The following NPAS3 variants were observed in gnomAD, a reference collection of about 807,000 sequenced individuals.
The protein encoded by NPAS3 is neuronal PAS domain protein 3, also known as neuronal PAS domain-containing protein 3.
In NPAS3, 14 loss-of-function variants were observed where a neutral mutation model predicts 73.1. The observed-to-expected ratio is 0.19, with a 90% confidence interval of 0.13 to 0.30. The LOEUF is 0.30. Ranked by LOEUF, NPAS3 falls within the 10% of genes least tolerant of loss-of-function variation. The probability of loss-of-function intolerance (pLI) is 1.00; values close to 1 mark genes in which losing one functional copy is unlikely to be tolerated. For synonymous variants in NPAS3, 620 were observed against 541.5 expected (o/e 1.14, Z -2.01); for missense variants, 1,096 against 1,250.0 (o/e 0.88, Z 1.86).
chr14:33,566,441 C>T (rs1187746978), intron 5 of NPAS3, among the ~76,000 whole-genome samples: 1 of 152,002 alleles, frequency 6.6e-6, no homozygotes, highest in Non-Finnish European at 1.5e-5. Context: ...GCTCGTTCTT[C>T]CCCCCTTTTC....
At chr14:33,362,353 G>A (rs1451865078) in intron 3 of NPAS3, among the ~76,000 whole-genome samples, 1 of 152,152 alleles carries the variant, frequency 6.6e-6, no homozygotes, top group African/African-American at 2.4e-5. Flanking sequence ...TTTTGATAGG[G>A]AAACAGATAC....
chr14:33,041,647 G>A (rs1595303293), intron 1 of NPAS3, among the ~76,000 whole-genome samples: 1 of 152,120 alleles, frequency 6.6e-6, no homozygotes, highest in East Asian at 1.9e-4. Flanking sequence ...TTGCCACATA[G>A]GAAACCAATC....
At chr14:33,079,661 G>C (rs1182946549) in intron 2 of NPAS3, among the ~76,000 whole-genome samples, 1 of 137,410 alleles carries the variant, frequency 7.3e-6, no homozygotes, top group Non-Finnish European at 1.5e-5. Context: ...ATGCAGGCTG[G>C]AGTGCAGTGG....
chr14:33,655,465 G>T (rs1045580944), intron 5 of NPAS3, among the ~76,000 whole-genome samples: 5 of 151,502 alleles, frequency 3.3e-5, no homozygotes, highest in African/African-American at 1.2e-4. Flanking sequence ...CTGGCAGAAG[G>T]CAATTCATAT....
chr14:33,434,123 C>T (rs1396605856), intron 4 of NPAS3, among the ~76,000 whole-genome samples: 1 of 152,006 alleles, frequency 6.6e-6, no homozygotes, highest in Non-Finnish European at 1.5e-5. Context: ...ACCCAGGAGG[C>T]GGAGGTTGCA....
At chr14:33,390,537 A>G (rs960883555) in intron 4 of NPAS3, among the ~76,000 whole-genome samples, 1 of 152,232 alleles carries the variant, frequency 6.6e-6, no homozygotes, top group Non-Finnish European at 1.5e-5. Flanking sequence ...CCCCTATTAC[A>G]TTATAGATCT....
At chr14:33,178,138 G>A (rs1040061163) in intron 2 of NPAS3, among the ~76,000 whole-genome samples, 3 of 147,246 alleles carry the variant, frequency 2.0e-5, no homozygotes, top group South Asian at 2.2e-4. Flanking sequence ...GCAGTGGTGC[G>A]ATCTCAGCTC....
At chr14:32,939,787 T>C (rs2035900916) in intron 1 of NPAS3, among the ~76,000 whole-genome samples, 1 of 126,992 alleles carries the variant, frequency 7.9e-6, no homozygotes, top group South Asian at 2.5e-4. Context: ...AGGAAGGGAA[T>C]GAGGCTGGGG....
In NPAS3 at chr14:33,659,274, A is replaced by G. The variant is rs961261314; in HGVS notation, c.559-16937A>G. ...TAGATGCCATTATTATCTTTACTTT[A>G]TAACAGAGGAAACGCCAGAGTAACT... On this transcript the variant is annotated intron_variant, in intron 5 of 11. Transcript: ENST00000356141. Among the ~76,000 whole-genome samples, 2 of 152,332 alleles carry G rather than the reference A, an allele frequency of 1.3e-5. 1 individual carries two copies. Among genetic ancestry groups the G allele is most frequent in the South Asian group, 4.1e-4 (2 of 4,828 alleles).
At chr14:33,555,894 G>GTGTA (rs748455666) in intron 4 of NPAS3, among the ~76,000 whole-genome samples, 1 of 148,582 alleles carries the variant, frequency 6.7e-6, no homozygotes, top group African/African-American at 2.5e-5. Context: ...TTGTTGGTGT[G>GTGTA]TCTGTGTGTG....
intron 7 of NPAS3, among the ~76,000 whole-genome samples, chr14:33,755,088 C>T (rs963917525): frequency 5.3e-5 from 8 of 152,290 alleles, no homozygotes; most frequent in Admixed American, 2.0e-4. Context: ...ATATATTTGA[C>T]TTTGGGGAAC....
chr14:33,128,010 CTTG>C (rs1207963474), intron 2 of NPAS3, among the ~76,000 whole-genome samples: 1 of 152,046 alleles, frequency 6.6e-6, no homozygotes. Flanking sequence ...GGATTCTACC[CTTG>C]TTAATAATAG....
intron 4 of NPAS3, among the ~76,000 whole-genome samples, chr14:33,460,107 A>T (rs1361651992): frequency 2.0e-5 from 3 of 152,226 alleles, no homozygotes; most frequent in Non-Finnish European, 4.4e-5. Flanking sequence ...GGACTATTAC[A>T]AGAGTACTCG....
chr14:33,527,155 A>G (rs896530137), intron 4 of NPAS3, among the ~76,000 whole-genome samples: 2 of 152,084 alleles, frequency 1.3e-5, no homozygotes, highest in African/African-American at 2.4e-5. Context: ...TTCCCCATTT[A>G]TGATTTTCCC....
At chr14:33,564,663 T>C (rs1055900650) in intron 5 of NPAS3, among the ~76,000 whole-genome samples, 2 of 152,216 alleles carry the variant, frequency 1.3e-5, no homozygotes, top group African/African-American at 4.8e-5. Context: ...CACATTATCG[T>C]TGCCAGAGGC....
intron 5 of NPAS3, among the ~76,000 whole-genome samples, chr14:33,583,046 C>T (rs1358381835): frequency 7.3e-6 from 1 of 137,136 alleles, no homozygotes; most frequent in Non-Finnish European, 1.5e-5. Flanking sequence ...AAGTTCTAAC[C>T]ACTACAGAAA....
rs1453995069 is a variant in NPAS3, at chr14:33,465,634, G to A, written c.469-94487G>A. 5.9e-5 allele frequency among the ~76,000 whole-genome samples: 9 copies of A among 152,142 alleles called. No individual in the cohort carries two copies. The East Asian group carries it at 1.7e-3, about 29-fold the overall frequency. On this transcript the variant is annotated intron_variant, in intron 4 of 11. Coordinates refer to ENST00000356141, the Ensembl canonical transcript of NPAS3. The stretch of plus-strand genomic sequence containing the variant: ...ACTGAAGCCTAGAAAAGCTACATGT[G>A]ACCAAAGGCATATAGTTTACAAATG...
chr14:33,513,179 T>C (rs2053140056), intron 4 of NPAS3, among the ~76,000 whole-genome samples: 1 of 152,052 alleles, frequency 6.6e-6, no homozygotes, highest in Non-Finnish European at 1.5e-5. Context: ...GGTAAGTATT[T>C]TTGTCATGTG....
intron 2 of NPAS3, among the ~76,000 whole-genome samples, chr14:33,142,191 C>CTTTTTTTTTTTTTTTTTTTTTTTTTAT (rs10709910): frequency 2.6e-5 from 1 of 38,084 alleles, no homozygotes; most frequent in Non-Finnish European, 4.4e-5. Context: ...TTTGTATAAG[C>CTTTTTTTTTTTTTTTTTTTTTTTTTAT]TTTTTTTTTT....
Sources: allele counts gnomAD v4.1 joint callset (sites outside exome capture counted in the v4.1 genomes callset), GRCh38; gene constraint gnomAD v4.1.1; transcripts MANE v1.5; gene names NCBI Gene and HGNC (gene_info 2026-07-23, HGNC 2026-07-21).